The following CLCF1 variants were observed in gnomAD, a reference collection of about 807,000 sequenced individuals.
The protein encoded by CLCF1 is cardiotrophin like cytokine factor 1.
Under a neutral mutation model 21.2 loss-of-function variants are expected in CLCF1, and 10 were observed. The ratio of observed to expected loss-of-function variants is 0.47; its 90% confidence interval spans 0.29 to 0.80. CLCF1 has a LOEUF of 0.80. Ranked by LOEUF, CLCF1 falls within the 30% of genes least tolerant of loss-of-function variation. CLCF1 has a pLI of 0.09. For synonymous variants in CLCF1, 115 were observed against 120.5 expected, an observed-to-expected ratio of 0.95 and a Z score of 0.30; for missense variants, 240 against 293.4, an observed-to-expected ratio of 0.82 and a Z score of 1.33.
rs1458204461 is a variant in CLCF1, at chr11:67,365,274, C to G, written c.540G>C (p.Gln180His). 1 of 1,613,840 alleles carries G rather than the reference C, an allele frequency of 6.2e-7. No homozygotes were observed. The highest frequency in any genetic ancestry group is 1.3e-5 in the African/African-American group (1 of 74,920). ...TPGPAHSDFLQKMDDFWLLKE... is the reference protein window; with the variant it reads ...TPGPAHSDFLHKMDDFWLLKE... ...TCAGCAGCCAGAAGTCGTCCATCTTCTGGAGGAAGTCACTGTGGGCAGGGC... is the reference window on the plus strand; with the variant it reads ...TCAGCAGCCAGAAGTCGTCCATCTTGTGGAGGAAGTCACTGTGGGCAGGGC... Residue 180 changes from glutamine to histidine, a missense_variant, in exon 3 of 3, where the codon CAG (glutamine) becomes CAC (histidine). Gln to His is a conservative substitution (Grantham distance 24). Coordinates refer to ENST00000312438, the MANE Select transcript of CLCF1 (RefSeq NM_013246.3). The surrounding 1 kb of genome is among the most constrained non-coding windows in gnomAD (Gnocchi z 5.0).
intron 1 of CLCF1, chr11:67,370,613 C>T (rs1363188635): frequency 3.9e-6 from 2 of 514,180 alleles, no homozygotes; most frequent in Non-Finnish European, 2.2e-6. Context: ...TCCTCATGAA[C>T]ACACACACAC....
rs190564706 is a variant in CLCF1 at position 67,369,961 on chromosome 11, C to T, written c.17-2335G>A. 14 of 984,928 alleles carry T rather than the reference C, an allele frequency of 1.4e-5. No homozygotes were observed. The Admixed American group carries it at 4.3e-4, about 30-fold the overall frequency. The allele number at this position is 984,928 out of a possible 1,614,324, so 61.0% of individuals were successfully genotyped here. On this transcript the variant is annotated intron_variant, in intron 1 of 2. Coordinates refer to ENST00000312438, the MANE Select transcript of CLCF1 (RefSeq NM_013246.3). ...GCTCATGAAATTAACCAGACGAGGC[C>T]GGTGTTTCCAGGAATATTTCAGTTC... is the stretch of plus-strand genomic sequence containing the variant.
At chr11:67,373,675 G>C (rs1415535604), upstream of CLCF1, 6 of 1,251,824 alleles carry the variant, frequency 4.8e-6, no homozygotes, top group Non-Finnish European at 5.0e-6. Context: ...GCTCGGTTTC[G>C]GATTTTTTTT....
intron 2 of CLCF1, among the ~76,000 whole-genome samples, 171 bp downstream of exon 2, chr11:67,367,289 G>C (rs542325196): frequency 3.0e-4 from 46 of 152,086 alleles, no homozygotes; most frequent in Non-Finnish European, 4.4e-4. Context: ...ATGGGGAAGT[G>C]GGGGGGCCAC....
At chr11:67,367,801 A>G (rs1862146989) in intron 1 of CLCF1, 175 bp from the exon 2 acceptor site, 1 of 985,296 alleles carries the variant, frequency 1.0e-6, no homozygotes, top group Non-Finnish European at 1.2e-6. Context: ...GACGGGAGAG[A>G]AAGAGAGGCA....
rs1221730863 is a variant in CLCF1, at chr11:67,368,751, CTGGG to C, written c.17-1129_17-1126del. Reference sequence around the variant, plus strand: ...GAGTCCAGCAAGGATGTGGTGAGGTCTGGGCAGGCAGAGGGTGAGTTGGAGGGCT... The same window carrying C: ...GAGTCCAGCAAGGATGTGGTGAGGTCCAGGCAGAGGGTGAGTTGGAGGGCT... On this transcript the variant is annotated intron_variant, in intron 1 of 2. Coordinates refer to ENST00000312438, the MANE Select transcript of CLCF1 (RefSeq NM_013246.3). 6.1e-6 allele frequency: 6 copies of C among 984,998 alleles called. No homozygotes were observed. The African/African-American group carries it at 1.1e-4, about 17-fold the overall frequency. The allele number at this position is 984,998 out of a possible 1,614,324, so 61.0% of individuals were successfully genotyped here. A position where few individuals can be genotyped will look rare whatever the true frequency, so the allele number is the denominator to read the frequency against.
chr11:67,368,290 A>G, intron 1 of CLCF1: 1 of 985,046 alleles, frequency 1.0e-6, no homozygotes, highest in Non-Finnish European at 1.2e-6. Flanking sequence ...TTTAGTGCTC[A>G]CTCTCAGGGA....
upstream of CLCF1, chr11:67,373,868 T>A: frequency 3.3e-5 from 24 of 723,788 alleles, no homozygotes; most frequent in Non-Finnish European, 4.0e-5. Flanking sequence ...GGCGAGGCTG[T>A]GGCGGTACCA....
chr11:67,365,495 A>G lies in CLCF1; in HGVS notation c.319T>C (p.Tyr107His). The G allele has an allele frequency of 6.2e-7, 1 of 1,614,114 alleles. No individual in the cohort carries two copies. The highest frequency in any genetic ancestry group is 1.1e-5 in the South Asian group (1 of 91,088). The change falls in exon 3 of 3, where the codon TAC becomes CAC. Residue 107 changes from tyrosine (Y) to histidine (H), a missense_variant. Physicochemically the swap from Tyr to His is moderately conservative, Grantham distance 83. Transcript: ENST00000312438. This position sits in a 1 kb window ranked among gnomAD's most constrained non-coding sequence, Gnocchi z 5.0. ...CACAGAAGGTGGCTGTAGGCCTCGT[A>G]GTTCTGGGTCAGCCGCAGTTTGTCA... is the stretch of plus-strand genomic sequence containing the variant. Reference protein sequence around the residue: ...LNDKLRLTQNYEAYSHLLCYL... With the variant: ...LNDKLRLTQNHEAYSHLLCYL...
intron 1 of CLCF1, 105 bp downstream of exon 1, chr11:67,373,419 G>T: frequency 1.7e-6 from 1 of 590,778 alleles, no homozygotes; most frequent in Non-Finnish European, 2.7e-6. Context: ...CAGCTCCCTG[G>T]CCCGGCCCCG....
chr11:67,370,247 G>C, intron 1 of CLCF1: 1 of 985,364 alleles, frequency 1.0e-6, no homozygotes, highest in Non-Finnish European at 1.2e-6. Context: ...TCGTGAGCTT[G>C]GGAACCCAAC....
At position 67,365,248 on chromosome 11, in the gene CLCF1, T is replaced by C; in HGVS notation, c.566A>G (p.Lys189Arg). 1 of 1,613,998 alleles carries C rather than the reference T, an allele frequency of 6.2e-7. No homozygotes were observed. The highest frequency in any genetic ancestry group is 8.5e-7 in the Non-Finnish European group (1 of 1,180,032). Reference sequence around the variant, plus strand: ...GCGCCACAGCCAGGTCTGCAGCTCCTTCAGCAGCCAGAAGTCGTCCATCTT... The same window carrying C: ...GCGCCACAGCCAGGTCTGCAGCTCCCTCAGCAGCCAGAAGTCGTCCATCTT... ...LQKMDDFWLL[K>R]ELQTWLWRSA... Residue 189 changes from lysine (K) to arginine (R), a missense_variant, in exon 3 of 3, where the codon AAG becomes AGG. Transcript: ENST00000312438. This position sits in a 1 kb window ranked among gnomAD's most constrained non-coding sequence, Gnocchi z 5.0.
intron 1 of CLCF1, among the ~76,000 whole-genome samples, chr11:67,371,332 G>A (rs1266388264): frequency 2.0e-5 from 3 of 152,152 alleles, no homozygotes; most frequent in South Asian, 2.1e-4. Context: ...CCACCAATTC[G>A]TCTGGTGACT....
chr11:67,370,284 T>C, intron 1 of CLCF1: 1 of 984,998 alleles, frequency 1.0e-6, no homozygotes, highest in Non-Finnish European at 1.2e-6. Context: ...CTGAGGAGAG[T>C]GCGTGGTGGG....
At position 67,367,949 on chromosome 11, in the gene CLCF1, T is replaced by G. The variant is rs542113029; in HGVS notation, c.17-323A>C. ...GTGCCAACATGTATATGTGTGTACA[T>G]GGAGGGACGGGGCCAGGCCTAGGGA... On this transcript the variant is annotated intron_variant, in intron 1 of 2. Coordinates refer to ENST00000312438, the MANE Select transcript of CLCF1 (RefSeq NM_013246.3). 76 of 984,970 alleles carry G rather than the reference T, an allele frequency of 7.7e-5. 1 individual carries two copies. In the East Asian group the frequency reaches 8.0e-3, roughly 104 times the overall value. The allele number at this position is 984,970 out of a possible 1,614,324, so 61.0% of individuals were successfully genotyped here. A position where few individuals can be genotyped will look rare whatever the true frequency, so the allele number is the denominator to read the frequency against.
chr11:67,369,328 G>A lies in CLCF1; in HGVS notation c.17-1702C>T, dbSNP rs182420584. The stretch of plus-strand genomic sequence containing the variant: ...GGGTCTTGGTTTGAGGCAAGTGTGA[G>A]TGTGTGTACACGCGTGTGTTTTAGG... On this transcript the variant is annotated intron_variant, in intron 1 of 2. Transcript: ENST00000312438. 7.1e-6 allele frequency: 7 copies of A among 982,132 alleles called. 1 individual carries two copies. The African/African-American group carries it at 1.1e-4, about 15-fold the overall frequency. 60.8% of individuals were successfully genotyped at this position (982,132 alleles called of 1,614,324 possible). A position where few individuals can be genotyped will look rare whatever the true frequency, so the allele number is the denominator to read the frequency against.
intron 1 of CLCF1, chr11:67,367,841 C>G (rs959399691): frequency 1.0e-6 from 1 of 985,290 alleles, no homozygotes. Context: ...GGACTTGGCA[C>G]GCATGAGTGT....
chr11:67,367,657 G>A lies in CLCF1; in HGVS notation c.17-31C>T, dbSNP rs199499449. ...GGCAGGATGGACGAGAAGCATGAGC[G>A]CGGCCCGGGCCCACACGGGGAAGCA... On this transcript the variant is annotated intron_variant, in intron 1 of 2. Transcript: ENST00000312438. 4.8e-3 allele frequency: 7,668 copies of A among 1,605,222 alleles called. 33 individuals carry two copies. Among genetic ancestry groups the A allele is most frequent in the Non-Finnish European group, 5.0e-3 (5,838 of 1,178,052 alleles).
upstream of CLCF1, chr11:67,373,670 G>C: frequency 8.0e-7 from 1 of 1,246,490 alleles, no homozygotes; most frequent in Non-Finnish European, 1.0e-6. Flanking sequence ...TTTTCGCTCG[G>C]TTTCGGATTT....
Sources: allele counts gnomAD v4.1 joint callset (sites outside exome capture counted in the v4.1 genomes callset), GRCh38; gene constraint gnomAD v4.1.1; non-coding constraint Gnocchi (gnomAD v3.1); transcripts MANE v1.5; gene names NCBI Gene and HGNC (gene_info 2026-07-23, HGNC 2026-07-21).